Variants in COA1 observed in about 807,000 individuals in gnomAD.
The protein encoded by COA1 is cytochrome c oxidase assembly factor 1 homolog.
COA1 carries 13 observed loss-of-function variants against 16.0 expected under a neutral mutation model. That is an observed-to-expected ratio of 0.81 (90% CI 0.53 to 1.29). The LOEUF (loss-of-function observed/expected upper bound fraction) is 1.29. COA1 is among the 50% of genes most tolerant of loss of function. The probability of loss-of-function intolerance (pLI) is 0.00; values close to 1 mark genes in which losing one functional copy is unlikely to be tolerated. For synonymous variants in COA1, 65 were observed against 65.7 expected, an observed-to-expected ratio of 0.99 and a Z score of 0.05; for missense variants, 179 against 177.0, an observed-to-expected ratio of 1.01 and a Z score of -0.06.
intron 6 of COA1, among the ~76,000 whole-genome samples, chr7:43,610,508 A>G (rs1463463048): frequency 6.6e-6 from 1 of 151,398 alleles, no homozygotes; most frequent in East Asian, 2.0e-4. Flanking sequence ...TCTACTAAAA[A>G]TACAAAAAAT....
At chr7:43,620,012 T>C (rs2083714118) in intron 6 of COA1, among the ~76,000 whole-genome samples, 1 of 152,218 alleles carries the variant, frequency 6.6e-6, no homozygotes, top group African/African-American at 2.4e-5. Context: ...TATTAGCTTA[T>C]CTGAGGGTGG....
At chr7:43,671,554 T>C (rs1047302336) in intron 1 of COA1, among the ~76,000 whole-genome samples, 4 of 152,152 alleles carry the variant, frequency 2.6e-5, no homozygotes, top group Non-Finnish European at 5.9e-5. Flanking sequence ...CTACAAAACA[T>C]ACTGCTCAAA....
chr7:43,691,354 AGGGAGGGAGGGAGGG>A (rs2094320265), intron 1 of COA1, among the ~76,000 whole-genome samples: 2 of 31,270 alleles, frequency 6.4e-5, no homozygotes. Context: ...GGAGGGAGGG[AGGGAGGGAGGGAGGG>A]AGGGAGGGAG....
At chr7:43,708,373 A>C (rs2095081220) in intron 1 of COA1, among the ~76,000 whole-genome samples, 1 of 145,214 alleles carries the variant, frequency 6.9e-6, no homozygotes, top group African/African-American at 2.4e-5. Context: ...AAGTGAGAGG[A>C]TTGCTTGAGC....
chr7:43,702,670 T>C (rs568885779), intron 1 of COA1, among the ~76,000 whole-genome samples: 1 of 152,320 alleles, frequency 6.6e-6, no homozygotes, highest in South Asian at 2.1e-4. Context: ...CATAATAGTC[T>C]CTGAGGGTTT....
Position 43,624,624 on chromosome 7 carries a change from C to T in COA1, c.*133+14825G>A, listed in dbSNP as rs896602971. The T allele has an allele frequency of 1.9e-6, 3 of 1,614,086 alleles. No individual in the cohort carries two copies. In the Admixed American group the frequency reaches 5.0e-5, roughly 27 times the overall value. ...AAAGGCACTAGAAGAAGCAAATGCCCTCCAAGAAGGTCATTCTGTGCCTGA... is the reference window on the plus strand; with the variant it reads ...AAAGGCACTAGAAGAAGCAAATGCCTTCCAAGAAGGTCATTCTGTGCCTGA... On this transcript the variant is annotated intron_variant and NMD_transcript_variant, in intron 6 of 6. Transcript: ENST00000415076.
chr7:43,691,366 AGGGAGGGAGGGAG>A (rs1563383950), intron 1 of COA1, among the ~76,000 whole-genome samples: 1 of 66,442 alleles, frequency 1.5e-5, no homozygotes, highest in African/African-American at 7.7e-5. Context: ...GGAGGGAGGG[AGGGAGGGAGGGAG>A]GAAGGAAGGA....
chr7:43,690,448 T>C (rs35024703), intron 1 of COA1, among the ~76,000 whole-genome samples: 21,964 of 151,488 alleles, frequency 0.14, 2,116 homozygotes, highest in Non-Finnish European at 0.21. Context: ...CACACATATA[T>C]ACACACACAC....
At position 43,651,708 on chromosome 7, in the gene COA1, AAAAAC is replaced by A. The variant is rs2090835729; in HGVS notation, c.-38-3061_-38-3057del. On this transcript the variant is annotated intron_variant, in intron 1 of 5. Transcript: ENST00000223336. ...AGAGCTTAAAAAAAAAAAAAAAAAA[AAAAAC>A]AGGCCAGGTGCGGTGGCTCACGCCT... Among the ~76,000 whole-genome samples the A allele has an allele frequency of 2.7e-5, 4 of 146,272 alleles. No homozygotes were observed. In the East Asian group the frequency reaches 6.3e-4, roughly 23 times the overall value.
intron 1 of COA1, among the ~76,000 whole-genome samples, chr7:43,651,269 C>T (rs1327885787): frequency 1.3e-5 from 2 of 152,156 alleles, no homozygotes; most frequent in Admixed American, 6.5e-5. Flanking sequence ...CTTAACTGTT[C>T]GCCAAAAGGC....
intron 6 of COA1, among the ~76,000 whole-genome samples, chr7:43,615,475 C>T (rs2083262233): frequency 6.7e-6 from 1 of 150,136 alleles, no homozygotes; most frequent in Non-Finnish European, 1.5e-5. Context: ...CTGCGCCCAG[C>T]CCTTTTGTTG....
intron 1 of COA1, among the ~76,000 whole-genome samples, chr7:43,656,587 G>C (rs189735961): frequency 6.6e-6 from 1 of 152,108 alleles, no homozygotes; most frequent in African/African-American, 2.4e-5. Context: ...CCAGCTACTC[G>C]GGAGGCTGAG....
chr7:43,702,601 T>C lies in COA1; in HGVS notation c.-39+26828A>G, dbSNP rs561574894. On this transcript the variant is annotated intron_variant, in intron 1 of 5. Transcript: ENST00000223336. ...TTGGGTTCAATCTTGGGGGGTTGTATGTTTCCAGAAATTTATCCATTTATT... is the reference window on the plus strand; with the variant it reads ...TTGGGTTCAATCTTGGGGGGTTGTACGTTTCCAGAAATTTATCCATTTATT... Among the ~76,000 whole-genome samples, 4 of 152,244 alleles carry C rather than the reference T, an allele frequency of 2.6e-5. No homozygotes were observed. The South Asian group carries it at 8.3e-4, about 32-fold the overall frequency.
At chr7:43,704,471 C>A (rs1249361198) in intron 1 of COA1, among the ~76,000 whole-genome samples, 5 of 152,174 alleles carry the variant, frequency 3.3e-5, no homozygotes, top group Non-Finnish European at 5.9e-5. Flanking sequence ...CAGGTTTGGT[C>A]TCTTTACATA....
At chr7:43,724,590 C>T (rs1229363811) in intron 1 of COA1, among the ~76,000 whole-genome samples, 5 of 151,780 alleles carry the variant, frequency 3.3e-5, no homozygotes, top group Non-Finnish European at 7.4e-5. Flanking sequence ...GGAACTCAGA[C>T]ATTTGTATAC....
chr7:43,720,381 T>C (rs2095482021), intron 1 of COA1, among the ~76,000 whole-genome samples: 1 of 152,226 alleles, frequency 6.6e-6, no homozygotes, highest in South Asian at 2.1e-4. Flanking sequence ...ATTAAGCGTT[T>C]TATCTAAGTA....
At chr7:43,724,016 C>A (rs17654239) in intron 1 of COA1, among the ~76,000 whole-genome samples, 22,377 of 152,122 alleles carry the variant, frequency 0.15, 2,194 homozygotes, top group Non-Finnish European at 0.22. Flanking sequence ...GTCTGAATTG[C>A]AATAATTTTA....
intron 1 of COA1, among the ~76,000 whole-genome samples, chr7:43,705,431 G>A (rs1017041033): frequency 5.9e-5 from 9 of 152,314 alleles, no homozygotes; most frequent in South Asian, 2.1e-4. Context: ...GGACAGATAC[G>A]GTCTTATGGC....
rs371169314 is a variant in COA1 at position 43,700,527 on chromosome 7, C to CATATATATATAT, written c.-39+28901_-39+28902insATATATATATAT. ...TAATCAGCTTTTATAAAAATGTAGG[C>CATATATATATAT]AGATATATATATATATATATACATA... On this transcript the variant is annotated intron_variant, in intron 1 of 5. Transcript: ENST00000223336. Among the ~76,000 whole-genome samples the CATATATATATAT allele has an allele frequency of 7.9e-5, 11 of 139,202 alleles. 1 individual carries two copies. Among genetic ancestry groups the CATATATATATAT allele is most frequent in the South Asian group, 4.5e-4 (2 of 4,486 alleles). 91.3% of individuals were successfully genotyped at this position (139,202 alleles called of 152,430 possible).
Sources: allele counts gnomAD v4.1 joint callset (sites outside exome capture counted in the v4.1 genomes callset), GRCh38; gene constraint gnomAD v4.1.1; transcripts MANE v1.5; gene names NCBI Gene and HGNC (gene_info 2026-07-23, HGNC 2026-07-21).